The following CACNA1A variants were observed in gnomAD, a reference collection of about 807,000 sequenced individuals.
CACNA1A encodes the protein calcium voltage-gated channel subunit alpha1 A.
CACNA1A carries 57 observed loss-of-function variants against 262.4 expected under a neutral mutation model. The ratio of observed to expected loss-of-function variants is 0.22; its 90% CI spans 0.18 to 0.27. The LOEUF (loss-of-function observed/expected upper bound fraction) is 0.27, where lower values mean the gene tolerates loss of function less well. CACNA1A is among the 10% of genes least tolerant of loss of function. CACNA1A has a pLI of 1.00. For synonymous variants in CACNA1A, 1,431 were observed against 1,419.3 expected (o/e 1.01, Z -0.18); for missense variants, 2,526 against 3,562.8 (o/e 0.71, Z 7.41).
intron 4 of CACNA1A, 66 bp from the exon 5 acceptor site, chr19:13,365,535 A>G: frequency 6.9e-7 from 1 of 1,447,314 alleles, no homozygotes; most frequent in Non-Finnish European, 9.5e-7. Context: ...CGCCACCAAG[A>G]CGCCCAGGTC....
chr19:13,373,202 G>C (rs1216465428), intron 3 of CACNA1A, among the ~76,000 whole-genome samples: 1 of 152,190 alleles, frequency 6.6e-6, no homozygotes, highest in Non-Finnish European at 1.5e-5. Context: ...CTGATGCCCA[G>C]GCTGGAATGC....
chr19:13,374,818 C>T (rs534659029), intron 3 of CACNA1A, among the ~76,000 whole-genome samples: 171 of 152,076 alleles, frequency 1.1e-3, no homozygotes, highest in African/African-American at 4.0e-3. Flanking sequence ...AGAGTAAACC[C>T]AATAAATATA....
In CACNA1A at chr19:13,289,131, C is replaced by T. The variant is rs574471387; in HGVS notation, c.3090-2165G>A. Among the ~76,000 whole-genome samples the T allele has an allele frequency of 4.9e-5, 7 of 144,240 alleles. No individual in the cohort carries two copies. In the East Asian group the frequency reaches 8.6e-4, roughly 18 times the overall value. The allele number at this position is 144,240 out of a possible 152,430, so 94.6% of individuals were successfully genotyped here. A position where few individuals can be genotyped will look rare whatever the true frequency, so the allele number is the denominator to read the frequency against. On this transcript the variant is annotated intron_variant, in intron 19 of 46. Transcript: ENST00000360228. The stretch of plus-strand genomic sequence containing the variant: ...GACAGGCTGACCTGGGTTTGAATCT[C>T]GGCAATGTCTTTTTTTTTTTTTTTT...
chr19:13,280,500 G>T (rs1374845750), intron 22 of CACNA1A, among the ~76,000 whole-genome samples: 1 of 151,952 alleles, frequency 6.6e-6, no homozygotes, highest in Non-Finnish European at 1.5e-5. Context: ...GCCTCCTGGA[G>T]AAATTACTGT....
chr19:13,427,942 G>GTTTTTTTTTTT (rs1311890494), intron 3 of CACNA1A, among the ~76,000 whole-genome samples: 4 of 151,050 alleles, frequency 2.6e-5, no homozygotes, highest in African/African-American at 9.9e-5. Flanking sequence ...ATAATAACAG[G>GTTTTTTTTTTT]TTGTTTTTTT....
chr19:13,261,398 C>T, intron 26 of CACNA1A, 52 bp downstream of exon 26: 2 of 1,502,466 alleles, frequency 1.3e-6, no homozygotes, highest in South Asian at 2.6e-5. Flanking sequence ...GCCACTTCCC[C>T]CCTGCCCACC....
At chr19:13,358,004 C>T (rs1028294955) in intron 6 of CACNA1A, among the ~76,000 whole-genome samples, 19 of 151,926 alleles carry the variant, frequency 1.3e-4, no homozygotes, top group African/African-American at 4.4e-4. Context: ...GAGACCTTGT[C>T]TCCAAAAAAA....
At chr19:13,248,422 A>G (rs1387487360) in intron 30 of CACNA1A, among the ~76,000 whole-genome samples, 1 of 151,066 alleles carries the variant, frequency 6.6e-6, no homozygotes, top group East Asian at 1.9e-4. Flanking sequence ...AAAAAAAAAA[A>G]AAAAAAAAAA....
intron 31 of CACNA1A, among the ~76,000 whole-genome samples, chr19:13,240,360 C>A (rs1280374663): frequency 6.6e-6 from 1 of 150,766 alleles, no homozygotes; most frequent in Non-Finnish European, 1.5e-5. Context: ...CATAGTGGCT[C>A]TGTGTGCAGT....
At chr19:13,260,363 G>A (rs1226980690) in intron 26 of CACNA1A, 8 of 142,768 alleles carry the variant, frequency 5.6e-5, no homozygotes, top group African/African-American at 2.1e-4. Flanking sequence ...TTGTTTGTTT[G>A]TTTGAGATGG....
At chr19:13,497,502 AAAAAAAAAAAAAAAAAAAAATATATATAT>A (rs1981695053) in intron 1 of CACNA1A, among the ~76,000 whole-genome samples, 1 of 37,292 alleles carries the variant, frequency 2.7e-5, no homozygotes, top group Non-Finnish European at 4.7e-5. Flanking sequence ...AAAAAAAAAA[AAAAAAAAAAAAAAAAAAAAATATATATAT>A]ATATATATAT....
intron 3 of CACNA1A, among the ~76,000 whole-genome samples, chr19:13,433,460 C>CAAAAAGAAAAAAAAAA (rs2060554546): frequency 1.3e-5 from 1 of 76,230 alleles, no homozygotes; most frequent in Non-Finnish European, 2.4e-5. Flanking sequence ...GACGCTGTCT[C>CAAAAAGAAAAAAAAAA]AAAAAAAAAA....
intron 31 of CACNA1A, 62 bp from the exon 32 acceptor site, chr19:13,235,792 C>T: frequency 2.5e-6 from 3 of 1,193,834 alleles, no homozygotes; most frequent in Non-Finnish European, 3.7e-6. Context: ...GAGCTGTCAC[C>T]ACTCACAGAG....
At chr19:13,409,390 G>A (rs562312465) in intron 3 of CACNA1A, among the ~76,000 whole-genome samples, 1 of 152,098 alleles carries the variant, frequency 6.6e-6, no homozygotes, top group Non-Finnish European at 1.5e-5. Flanking sequence ...GTGTGTGTGT[G>A]TGTGTGTTGT....
intron 15 of CACNA1A, 140 bp from the exon 16 acceptor site, chr19:13,304,024 C>T: frequency 1.5e-6 from 1 of 645,916 alleles, no homozygotes; most frequent in Non-Finnish European, 2.7e-6. Context: ...TTTGCAGAGC[C>T]AGACTCCGTG....
At chr19:13,346,633 TATATATATATATATATATATATATATA>T (rs2058771669) in intron 6 of CACNA1A, among the ~76,000 whole-genome samples, 1 of 3,484 alleles carries the variant, frequency 2.9e-4, no homozygotes, top group Non-Finnish European at 5.7e-4. Context: ...TATATATATA[TATATATATATATATATATATATATATA>T]TATATATTTT....
chr19:13,390,034 C>A (rs1461082838), intron 3 of CACNA1A, among the ~76,000 whole-genome samples: 1 of 151,578 alleles, frequency 6.6e-6, no homozygotes, highest in Non-Finnish European at 1.5e-5. Context: ...AGGGTGGTCT[C>A]GATCTCCTGA....
At chr19:13,232,235 T>A (rs1211527186) in intron 34 of CACNA1A, among the ~76,000 whole-genome samples, 1 of 151,210 alleles carries the variant, frequency 6.6e-6, no homozygotes, top group Non-Finnish European at 1.5e-5. Flanking sequence ...CTTGCTCTGT[T>A]ACCCAGGTTG....
intron 1 of CACNA1A, among the ~76,000 whole-genome samples, chr19:13,503,040 T>C (rs761770234): frequency 1.3e-5 from 2 of 152,004 alleles, no homozygotes. Flanking sequence ...GCGATTCCAC[T>C]CCTATCTAAG....
Sources: gnomAD v4.1 joint callset for allele counts (sites outside exome capture counted in the v4.1 genomes callset) on GRCh38, gnomAD v4.1.1 for gene constraint, MANE v1.5 for transcripts, NCBI Gene and HGNC (gene_info 2026-07-23, HGNC 2026-07-21) for gene names.